RAD51D: variants seen among roughly 807,000 people sequenced by gnomAD.
The protein encoded by RAD51D is RAD51 paralog D, also known as DNA repair protein RAD51 homolog 4.
RAD51D carries 38 observed loss-of-function variants against 44.1 expected under a neutral mutation model. The observed-to-expected ratio is 0.86, with a 90% CI of 0.67 to 1.13. RAD51D has a LOEUF of 1.13. Ranked by LOEUF, RAD51D falls within the 50% of genes most tolerant of loss-of-function variation. The probability of loss-of-function intolerance (pLI) is 0.00; values close to 1 mark genes in which losing one functional copy is unlikely to be tolerated. For missense variants in RAD51D, 390 were observed against 414.0 expected, an observed-to-expected ratio of 0.94 and a Z score of 0.50; for synonymous variants, 141 against 166.6, an observed-to-expected ratio of 0.85 and a Z score of 1.18.
At position 35,093,877 on chromosome 17, in the gene RAD51D, C is replaced by A. The variant is rs1392874170; in HGVS notation, c.*7076G>T. ...AGCCTTCTCCAATGCCAAACCCCAG[C>A]ACACAGAACTAGACAGTTTAAACCT... On this transcript the variant is annotated 3_prime_UTR_variant, in exon 10 of 10. Transcript: ENST00000345365. 6.6e-6 allele frequency: 1 copy of A among 152,218 alleles called. No individual in the cohort carries two copies. The highest frequency in any genetic ancestry group is 1.5e-5 in the Non-Finnish European group (1 of 68,070). 9.4% of individuals were successfully genotyped at this position (152,218 alleles called of 1,614,324 possible). A position where few individuals can be genotyped will look rare whatever the true frequency, so the allele number is the denominator to read the frequency against.
chr17:35,101,454 G>C, intron 8 of RAD51D, 89 bp from the exon 9 acceptor site: 1 of 1,406,602 alleles, frequency 7.1e-7, no homozygotes. Flanking sequence ...GAAAACAGAG[G>C]CCTAGCACAG....
chr17:35,119,638 CA>C lies in RAD51D; in HGVS notation c.-26del, dbSNP rs1266680667. The C allele has an allele frequency of 6.2e-7, 1 of 1,607,294 alleles. No individual in the cohort carries two copies. Among genetic ancestry groups the C allele is most frequent in the East Asian group, 2.2e-5 (1 of 44,884 alleles). ...TGTTCCCCGCAGGCCGGAACAGCCC[CA>C]GGGGGACTGCACGTCACGTGGGCAT... is the stretch of plus-strand genomic sequence containing the variant. On this transcript the variant is annotated 5_prime_UTR_variant, in exon 1 of 10. Transcript: ENST00000345365.
At position 35,095,093 on chromosome 17, in the gene RAD51D, T is replaced by C. The variant is rs925201392; in HGVS notation, c.*5860A>G. 1 of 152,268 alleles carries C rather than the reference T, an allele frequency of 6.6e-6. No individual in the cohort carries two copies. Among genetic ancestry groups the C allele is most frequent in the Non-Finnish European group, 1.5e-5 (1 of 68,058 alleles). The allele number at this position is 152,268 out of a possible 1,614,324, so 9.4% of individuals were successfully genotyped here. A position where few individuals can be genotyped will look rare whatever the true frequency, so the allele number is the denominator to read the frequency against. On this transcript the variant is annotated 3_prime_UTR_variant, in exon 10 of 10. Transcript: ENST00000345365. ...GCAGTCCCTTTTTCTTGCCAGTTAC[T>C]GTATTACACATGGGTGTATGAAGCA...
intron 3 of RAD51D, among the ~76,000 whole-genome samples, chr17:35,116,705 A>T (rs993344483): frequency 3.3e-5 from 5 of 152,170 alleles, no homozygotes; most frequent in Admixed American, 1.3e-4. Flanking sequence ...CGTGTTAGCC[A>T]GGACAGTCTC....
At chr17:35,106,090 A>G (rs771186367) in intron 6 of RAD51D, 2 of 553,570 alleles carry the variant, frequency 3.6e-6, no homozygotes, top group South Asian at 2.9e-5. Flanking sequence ...CTGTCAGACA[A>G]CCTCTATTAC....
Position 35,103,850 on chromosome 17 carries a change from G to A in RAD51D, c.577-306C>T, listed in dbSNP as rs565072277. Among the ~76,000 whole-genome samples the A allele has an allele frequency of 3.3e-5, 5 of 152,282 alleles. No individual in the cohort carries two copies. The highest frequency in any genetic ancestry group is 1.2e-4 in the African/African-American group (5 of 41,568). On this transcript the variant is annotated intron_variant, in intron 6 of 9. Coordinates refer to ENST00000345365, the MANE Select transcript of RAD51D (RefSeq NM_002878.4). This position sits in a 1 kb window ranked among gnomAD's most constrained non-coding sequence, Gnocchi z 4.1. ...TCCCAGCACTTTGGGAGGCCAAGGC[G>A]GTGGATCACTTGAGGTCAGGAGTTC...
chr17:35,115,956 G>GGAAA (rs71147458), intron 3 of RAD51D, among the ~76,000 whole-genome samples: 10,019 of 65,002 alleles, frequency 0.15, 1,081 homozygotes, highest in South Asian at 0.2. Context: ...AAGGAAGAAA[G>GGAAA]GAAAGAAAGA....
intron 3 of RAD51D, among the ~76,000 whole-genome samples, chr17:35,113,085 C>T (rs570398245): frequency 6.6e-6 from 1 of 152,324 alleles, no homozygotes; most frequent in Non-Finnish European, 1.5e-5. Flanking sequence ...ACCTACCCTC[C>T]ATGCCCTGCC....
intron 3 of RAD51D, among the ~76,000 whole-genome samples, chr17:35,116,276 C>A (rs1358992328): frequency 6.6e-6 from 1 of 152,208 alleles, no homozygotes; most frequent in Non-Finnish European, 1.5e-5. Flanking sequence ...CACACCTCTA[C>A]CCCACTGTCT....
chr17:35,113,613 G>T, intron 3 of RAD51D: 1 of 425,174 alleles, frequency 2.4e-6, no homozygotes, highest in South Asian at 1.7e-5. Context: ...TATACCCACA[G>T]GTTCCTGCCA....
intron 3 of RAD51D, among the ~76,000 whole-genome samples, 190 bp downstream of exon 3, chr17:35,118,311 A>G (rs1348451701): frequency 6.6e-6 from 1 of 152,178 alleles, no homozygotes; most frequent in Non-Finnish European, 1.5e-5. Context: ...AAATATCAAT[A>G]GTGCCAAGGC....
intron 6 of RAD51D, 150 bp downstream of exon 6, chr17:35,106,236 T>C (rs1221586029): frequency 1.3e-6 from 1 of 768,078 alleles, no homozygotes; most frequent in South Asian, 1.4e-5. Flanking sequence ...ATTTAGGTGC[T>C]CGGGAATTCC....
chr17:35,117,882 G>A (rs902161654), intron 3 of RAD51D, among the ~76,000 whole-genome samples: 11 of 152,132 alleles, frequency 7.2e-5, no homozygotes, highest in Admixed American at 2.6e-4. Context: ...ATACTCCCGC[G>A]CTTGAGCCTC....
At chr17:35,101,927 C>T (rs2091543311) in intron 8 of RAD51D, among the ~76,000 whole-genome samples, 1 of 152,030 alleles carries the variant, frequency 6.6e-6, no homozygotes, top group Admixed American at 6.6e-5. Context: ...TTAATGGGTA[C>T]AGAGTTTCAG....
rs1457962003 is a variant in RAD51D, at chr17:35,094,564, G to A, written c.*6389C>T. 6.6e-6 allele frequency: 1 copy of A among 152,202 alleles called. No individual in the cohort carries two copies. The highest frequency in any genetic ancestry group is 2.4e-5 in the African/African-American group (1 of 41,444). The allele number at this position is 152,202 out of a possible 1,614,324, so 9.4% of individuals were successfully genotyped here. On this transcript the variant is annotated 3_prime_UTR_variant, in exon 10 of 10. Coordinates refer to ENST00000345365, the MANE Select transcript of RAD51D (RefSeq NM_002878.4). The stretch of plus-strand genomic sequence containing the variant: ...GATCTCTGATCCCGCTTTTTATGGT[G>A]AGCTAAGCTGAAAAGAGGTTGGGAT...
chr17:35,107,520 A>T, intron 3 of RAD51D, 73 bp from the exon 4 acceptor site: 7 of 1,209,284 alleles, frequency 5.8e-6, no homozygotes, highest in South Asian at 1.2e-5. Flanking sequence ...CAAGAAGAAA[A>T]GTAAGACATT....
At position 35,118,291 on chromosome 17, in the gene RAD51D, A is replaced by T. The variant is rs533874119; in HGVS notation, c.263+210T>A. 3.8e-3 allele frequency among the ~76,000 whole-genome samples: 586 copies of T among 152,216 alleles called. 5 individuals are homozygous for T. Among genetic ancestry groups the T allele is most frequent in the African/African-American group, 0.013 (532 of 41,536 alleles). ...AGCCTCCACCCCCCAACAAATAATTACCTGTCCCTAAATATCAATAGTGCC... is the reference window on the plus strand; with the variant it reads ...AGCCTCCACCCCCCAACAAATAATTTCCTGTCCCTAAATATCAATAGTGCC... On this transcript the variant is annotated intron_variant, in intron 3 of 9. Transcript: ENST00000345365.
In RAD51D at chr17:35,117,880, G is replaced by A. The variant is rs933200295; in HGVS notation, c.263+621C>T. ...AATAAGTTCTGGGCCACATACTCCC[G>A]CGCTTGAGCCTCACCTTTGCCACTT... On this transcript the variant is annotated intron_variant, in intron 3 of 9. Coordinates refer to ENST00000345365, the MANE Select transcript of RAD51D (RefSeq NM_002878.4). Among the ~76,000 whole-genome samples the A allele has an allele frequency of 1.3e-4, 20 of 152,154 alleles. 1 individual carries two copies. Among genetic ancestry groups the A allele is most frequent in the South Asian group, 4.1e-4 (2 of 4,824 alleles).
chr17:35,106,169 C>A (rs1248114769), intron 6 of RAD51D: 1 of 705,674 alleles, frequency 1.4e-6, no homozygotes, highest in South Asian at 1.4e-5. Flanking sequence ...GATCCTTCCA[C>A]TCAGGGGGCT....
Sources: gnomAD v4.1 joint callset for allele counts (sites outside exome capture counted in the v4.1 genomes callset) on GRCh38, gnomAD v4.1.1 for gene constraint, Gnocchi (gnomAD v3.1) non-coding constraint, MANE v1.5 for transcripts, NCBI Gene and HGNC (gene_info 2026-07-23, HGNC 2026-07-21) for gene names.